The following ELMO1 variants were observed in gnomAD, a reference collection of about 807,000 sequenced individuals.
The protein encoded by ELMO1 is engulfment and cell motility protein 1.
A neutral mutation model predicts 98.9 loss-of-function variants in ELMO1; 26 were observed. That is an observed-to-expected ratio of 0.26 (90% CI 0.19 to 0.36). ELMO1 has a LOEUF of 0.36. Among genes scored for constraint, ELMO1 ranks in the 10% least tolerant of loss-of-function variants. ELMO1 has a pLI of 1.00. For synonymous variants in ELMO1, 346 were observed against 346.0 expected, an observed-to-expected ratio of 1.00 and a Z score of 0.00; for missense variants, 627 against 935.2, an observed-to-expected ratio of 0.67 and a Z score of 4.30.
At chr7:37,390,221 A>G (rs1039135156) in intron 1 of ELMO1, among the ~76,000 whole-genome samples, 2 of 152,256 alleles carry the variant, frequency 1.3e-5, no homozygotes, top group African/African-American at 4.8e-5. Flanking sequence ...CGCTATGAGC[A>G]TAAAGTCAGC....
At chr7:37,219,482 C>T (rs1793477334) in intron 10 of ELMO1, among the ~76,000 whole-genome samples, 1 of 152,132 alleles carries the variant, frequency 6.6e-6, no homozygotes, top group South Asian at 2.1e-4. Flanking sequence ...AGGCTTTAAA[C>T]AGATACAACA....
intron 13 of ELMO1, among the ~76,000 whole-genome samples, chr7:37,188,096 G>A (rs1021453475): frequency 2.0e-5 from 3 of 151,848 alleles, no homozygotes; most frequent in Admixed American, 6.6e-5. Flanking sequence ...CTTTTACCGC[G>A]GTTCAGAAAT....
At chr7:37,089,744 G>GT (rs2129246370) in intron 15 of ELMO1, among the ~76,000 whole-genome samples, 1 of 152,334 alleles carries the variant, frequency 6.6e-6, no homozygotes, top group East Asian at 1.9e-4. Context: ...TTCTGCATCA[G>GT]TAAGGACACT....
At chr7:37,162,435 C>G (rs4723615) in intron 13 of ELMO1, among the ~76,000 whole-genome samples, 151,797 of 152,330 alleles carry the variant, frequency 1, 75,634 homozygotes, top group Middle Eastern at 1. Context: ...TAATCACATC[C>G]GAGTCACTTG....
intron 1 of ELMO1, among the ~76,000 whole-genome samples, chr7:37,413,128 A>T (rs10244540): frequency 0.17 from 25,238 of 150,904 alleles, 2,253 homozygotes; most frequent in South Asian, 0.26. Flanking sequence ...ACTTGACCAA[A>T]TTTTTTTTTT....
At chr7:37,256,724 GGGGAAGGGAAGGGAAGGGAAGGGAA>G (rs147352052) in intron 6 of ELMO1, among the ~76,000 whole-genome samples, 7,052 of 115,314 alleles carry the variant, frequency 0.061, 263 homozygotes, top group Middle Eastern at 0.097. Context: ...AGAGGGGCAG[GGGGAAGGGAAGGGAAGGGAAGGGAA>G]GGGAAGGGAA....
chr7:37,237,994 G>A (rs1794570227), intron 7 of ELMO1, among the ~76,000 whole-genome samples: 1 of 152,184 alleles, frequency 6.6e-6, no homozygotes, highest in Non-Finnish European at 1.5e-5. Flanking sequence ...CAACTTTATT[G>A]TTGATCATTT....
At chr7:36,985,154 G>T in intron 16 of ELMO1, 1 of 973,258 alleles carries the variant, frequency 1.0e-6, no homozygotes, top group African/African-American at 1.8e-5. Flanking sequence ...AAACCCCAGG[G>T]AGCAGAGCAA....
At chr7:37,069,756 T>C (rs986964644) in intron 15 of ELMO1, among the ~76,000 whole-genome samples, 2 of 152,232 alleles carry the variant, frequency 1.3e-5, no homozygotes, top group African/African-American at 2.4e-5. Context: ...TTTGCTAGAA[T>C]GTTCTACTGA....
intron 4 of ELMO1, among the ~76,000 whole-genome samples, chr7:37,301,090 T>C (rs1264222114): frequency 6.6e-6 from 1 of 152,144 alleles, no homozygotes; most frequent in Non-Finnish European, 1.5e-5. Context: ...TGGTAGTTTG[T>C]ATTTCTGTGG....
intron 7 of ELMO1, among the ~76,000 whole-genome samples, chr7:37,242,359 CT>C (rs1437557529): frequency 6.6e-6 from 1 of 152,108 alleles, no homozygotes; most frequent in Non-Finnish European, 1.5e-5. Flanking sequence ...TACACTCATA[CT>C]TTTCTTTAGT....
chr7:37,214,468 A>T (rs1444849443), intron 11 of ELMO1, among the ~76,000 whole-genome samples: 1 of 152,100 alleles, frequency 6.6e-6, no homozygotes, highest in Non-Finnish European at 1.5e-5. Context: ...GGATTGGAGG[A>T]AGTCTAGGTC....
At chr7:37,233,235 G>T (rs779679672) in intron 7 of ELMO1, 41 bp from the exon 8 acceptor site, 1 of 1,553,188 alleles carries the variant, frequency 6.4e-7, no homozygotes, top group East Asian at 2.3e-5. Context: ...GAGCCCCAAA[G>T]CTGAGCAAAG....
At chr7:37,062,525 C>T (rs1796720672) in intron 15 of ELMO1, among the ~76,000 whole-genome samples, 2 of 152,168 alleles carry the variant, frequency 1.3e-5, no homozygotes, top group African/African-American at 4.8e-5. Context: ...ACACACTAAT[C>T]AGATAAACTG....
chr7:37,069,137 C>T (rs1797138049), intron 15 of ELMO1, among the ~76,000 whole-genome samples: 1 of 152,092 alleles, frequency 6.6e-6, no homozygotes, highest in African/African-American at 2.4e-5. Flanking sequence ...GCTCCAATCC[C>T]ATTCTAAACC....
chr7:37,200,668 T>C (rs1048590408), intron 13 of ELMO1, among the ~76,000 whole-genome samples: 2 of 152,068 alleles, frequency 1.3e-5, no homozygotes, highest in Non-Finnish European at 2.9e-5. Context: ...TCTTCCCTTT[T>C]AAAATTCCCC....
At chr7:37,335,658 G>A (rs985852588) in intron 2 of ELMO1, among the ~76,000 whole-genome samples, 8 of 152,102 alleles carry the variant, frequency 5.3e-5, no homozygotes, top group Admixed American at 2.0e-4. Flanking sequence ...AGGAGTGAGC[G>A]AGGGGTGCCC....
chr7:37,110,249 C>T (rs764168196), intron 14 of ELMO1, among the ~76,000 whole-genome samples: 1 of 152,146 alleles, frequency 6.6e-6, no homozygotes, highest in Non-Finnish European at 1.5e-5. Context: ...ATCCAATGTG[C>T]TTAATTAAGC....
chr7:37,219,555 A>G (rs7794188), intron 10 of ELMO1, among the ~76,000 whole-genome samples: 40,776 of 152,146 alleles, frequency 0.27, 5,947 homozygotes, highest in African/African-American at 0.37. Flanking sequence ...TTATATTTCA[A>G]TCTAATTGGA....
Sources: gnomAD v4.1 joint callset for allele counts (sites outside exome capture counted in the v4.1 genomes callset) on GRCh38, gnomAD v4.1.1 for gene constraint, MANE v1.5 for transcripts, NCBI Gene and HGNC (gene_info 2026-07-23, HGNC 2026-07-21) for gene names.